The following BABAM2 variants were observed in gnomAD, a reference collection of about 807,000 sequenced individuals.
BABAM2 encodes BRISC and BRCA1-A complex member 2.
Under a neutral mutation model 54.7 loss-of-function variants are expected in BABAM2, and 31 were observed. The ratio of observed to expected loss-of-function variants is 0.57; its 90% CI spans 0.43 to 0.77. The LOEUF is 0.77. Among genes scored for constraint, BABAM2 ranks in the 30% least tolerant of loss-of-function variants. BABAM2 has a pLI of 0.00. For synonymous variants in BABAM2, 167 were observed against 162.9 expected (o/e 1.03, Z -0.19); for missense variants, 364 against 455.8 (o/e 0.80, Z 1.83).
chr2:28,067,260 G>C (rs1663687731), intron 6 of BABAM2, among the ~76,000 whole-genome samples: 1 of 152,148 alleles, frequency 6.6e-6, no homozygotes, highest in Admixed American at 6.5e-5. Flanking sequence ...AACCACACAG[G>C]TATTAGGTAG....
At chr2:28,116,834 C>A (rs769191371) in intron 6 of BABAM2, among the ~76,000 whole-genome samples, 2 of 152,180 alleles carry the variant, frequency 1.3e-5, no homozygotes, top group Non-Finnish European at 2.9e-5. Context: ...TCTCCAAATA[C>A]CCACATTTAG....
intron 5 of BABAM2, among the ~76,000 whole-genome samples, chr2:28,026,924 A>AT (rs1558667789): frequency 3.0e-4 from 9 of 29,994 alleles, no homozygotes; most frequent in African/African-American, 6.9e-4. Context: ...ATTAATATAT[A>AT]TAAATATATA....
At chr2:28,278,645 G>C (rs764513518) in intron 10 of BABAM2, among the ~76,000 whole-genome samples, 3 of 152,234 alleles carry the variant, frequency 2.0e-5, no homozygotes, top group Non-Finnish European at 4.4e-5. Context: ...AGTGGTGGCA[G>C]TAGAAGCCAC....
At chr2:28,258,764 C>T (rs146345909) in intron 10 of BABAM2, among the ~76,000 whole-genome samples, 85 of 151,726 alleles carry the variant, frequency 5.6e-4, no homozygotes, top group African/African-American at 2.0e-3. Context: ...AAGCATGCAC[C>T]GCCATGCCTG....
At chr2:27,991,623 T>C (rs1672777908) in intron 4 of BABAM2, among the ~76,000 whole-genome samples, 1 of 152,238 alleles carries the variant, frequency 6.6e-6, no homozygotes, top group African/African-American at 2.4e-5. Context: ...TTGCCTATTC[T>C]GGACATTACA....
At chr2:28,303,364 G>T (rs145900333) in intron 11 of BABAM2, among the ~76,000 whole-genome samples, 80 of 152,260 alleles carry the variant, frequency 5.3e-4, no homozygotes, top group African/African-American at 1.9e-3. Context: ...TTTTGTATAT[G>T]ATATGAGGTA....
At chr2:28,037,124 T>C (rs1313733531) in intron 5 of BABAM2, among the ~76,000 whole-genome samples, 1 of 152,188 alleles carries the variant, frequency 6.6e-6, no homozygotes, top group African/African-American at 2.4e-5. Flanking sequence ...AAAATCAAAG[T>C]CTATGTAAAG....
At chr2:28,043,470 A>G (rs1405933498) in intron 5 of BABAM2, among the ~76,000 whole-genome samples, 2 of 152,096 alleles carry the variant, frequency 1.3e-5, no homozygotes, top group Non-Finnish European at 2.9e-5. Flanking sequence ...CTTCTGTGGC[A>G]CTGTACACAG....
At chr2:28,317,338 C>T (rs1221695225) in intron 11 of BABAM2, among the ~76,000 whole-genome samples, 3 of 152,068 alleles carry the variant, frequency 2.0e-5, no homozygotes, top group South Asian at 2.1e-4. Flanking sequence ...CAAAGCAGGG[C>T]GTAGGTTCAA....
chr2:28,079,282 G>C (rs1271424293), intron 6 of BABAM2, among the ~76,000 whole-genome samples: 1 of 152,054 alleles, frequency 6.6e-6, no homozygotes, highest in Non-Finnish European at 1.5e-5. Context: ...TTCATGTTAT[G>C]TTTCTTTATC....
intron 7 of BABAM2, among the ~76,000 whole-genome samples, chr2:28,131,239 G>A (rs1379783209): frequency 0.015 from 758 of 50,632 alleles, 278 homozygotes; most frequent in African/African-American, 0.053. Flanking sequence ...CCGCCACTAC[G>A]CCCGGCTAAT....
chr2:27,899,619 C>T (rs778766374), intron 2 of BABAM2, among the ~76,000 whole-genome samples: 9 of 152,100 alleles, frequency 5.9e-5, no homozygotes, highest in Non-Finnish European at 1.3e-4. Context: ...GCGTCCGCCA[C>T]CATGCCTGGC....
chr2:28,115,182 A>AACACACACAC lies in BABAM2; in HGVS notation c.571-14055_571-14046dup, dbSNP rs35506654. ...ATAACACATATGTAAATAACTTTAA[A>AACACACACAC]ACACACACACACACACACACACACA... On this transcript the variant is annotated intron_variant, in intron 6 of 11. Coordinates refer to ENST00000379624, the MANE Select transcript of BABAM2 (RefSeq NM_199191.3). Among the ~76,000 whole-genome samples, 599 of 142,326 alleles carry AACACACACAC rather than the reference A, an allele frequency of 4.2e-3. 2 individuals are homozygous for AACACACACAC. Among genetic ancestry groups the AACACACACAC allele is most frequent in the African/African-American group, 4.7e-3 (181 of 38,582 alleles). The allele number at this position is 142,326 out of a possible 152,430, so 93.4% of individuals were successfully genotyped here. A position where few individuals can be genotyped will look rare whatever the true frequency, so the allele number is the denominator to read the frequency against.
intron 6 of BABAM2, among the ~76,000 whole-genome samples, chr2:28,075,704 G>T (rs1036561608): frequency 6.6e-6 from 1 of 152,116 alleles, no homozygotes; most frequent in African/African-American, 2.4e-5. Context: ...CTTAAATGCA[G>T]TATGCAGTAT....
At position 27,976,920 on chromosome 2, in the gene BABAM2, A is replaced by G. The variant is rs191761808; in HGVS notation, c.206-11073A>G. Among the ~76,000 whole-genome samples, 6 of 152,272 alleles carry G rather than the reference A, an allele frequency of 3.9e-5. No individual in the cohort carries two copies. In the East Asian group the frequency reaches 1.2e-3, roughly 29 times the overall value. On this transcript the variant is annotated intron_variant, in intron 3 of 11. Transcript: ENST00000379624. ...CAGAAGGAAGTCTTCTAAGAAGAGG[A>G]GGCAAATTTAAATGACCTAAGTTTA...
intron 11 of BABAM2, among the ~76,000 whole-genome samples, chr2:28,319,333 C>G (rs1386462139): frequency 6.6e-6 from 1 of 152,250 alleles, no homozygotes; most frequent in Non-Finnish European, 1.5e-5. Context: ...TAGAAGCTGT[C>G]CCTTTGTCTG....
chr2:28,272,517 A>C (rs1685502847), intron 10 of BABAM2, among the ~76,000 whole-genome samples: 2 of 152,268 alleles, frequency 1.3e-5, no homozygotes, highest in African/African-American at 4.8e-5. Flanking sequence ...GGTGTAATTC[A>C]GAACAGTCAA....
intron 2 of BABAM2, among the ~76,000 whole-genome samples, chr2:27,901,829 C>T (rs866424861): frequency 2.0e-5 from 3 of 152,112 alleles, no homozygotes; most frequent in African/African-American, 7.2e-5. Flanking sequence ...CCTTTTTCCC[C>T]ACGCCTGTCT....
chr2:28,126,138 T>A (rs183036452), intron 6 of BABAM2, among the ~76,000 whole-genome samples: 2,997 of 151,982 alleles, frequency 0.02, 55 homozygotes, highest in South Asian at 0.051. Flanking sequence ...AATTTTTTTT[T>A]AATTTTATTT....
Sources: gnomAD v4.1 joint callset for allele counts (sites outside exome capture counted in the v4.1 genomes callset) on GRCh38, gnomAD v4.1.1 for gene constraint, MANE v1.5 for transcripts, NCBI Gene and HGNC (gene_info 2026-07-23, HGNC 2026-07-21) for gene names.